Variants in DLGAP1 observed in about 807,000 individuals in gnomAD.
The protein encoded by DLGAP1 is DLG associated protein 1.
A neutral mutation model predicts 90.8 loss-of-function variants in DLGAP1; 11 were observed. The observed-to-expected ratio is 0.12, with a 90% CI of 0.08 to 0.20. The LOEUF (loss-of-function observed/expected upper bound fraction) is 0.20. DLGAP1 is among the 10% of genes least tolerant of loss of function. The pLI, the probability that DLGAP1 is intolerant of heterozygous loss-of-function variation, is 1.00. For synonymous variants in DLGAP1, 558 were observed against 540.7 expected (o/e 1.03, Z -0.44); for missense variants, 1,050 against 1,333.8 (o/e 0.79, Z 3.31).
chr18:4,377,304 G>T (rs1362135197), intron 1 of DLGAP1, among the ~76,000 whole-genome samples: 1 of 152,104 alleles, frequency 6.6e-6, no homozygotes, highest in African/African-American at 2.4e-5. Context: ...CACTCAAGAA[G>T]AGAATCAAGT....
intron 3 of DLGAP1, among the ~76,000 whole-genome samples, chr18:3,923,405 T>C (rs1340607304): frequency 1.3e-5 from 2 of 152,176 alleles, no homozygotes. Context: ...CTGTAAACTT[T>C]TTGTTTATAA....
intron 1 of DLGAP1, among the ~76,000 whole-genome samples, chr18:4,327,563 T>A (rs2080851285): frequency 6.6e-6 from 1 of 152,190 alleles, no homozygotes; most frequent in African/African-American, 2.4e-5. Context: ...TTATATAAAC[T>A]TATTCTTCTA....
intron 1 of DLGAP1, among the ~76,000 whole-genome samples, chr18:4,366,372 T>A (rs1425830600): frequency 6.6e-6 from 1 of 152,114 alleles, no homozygotes; most frequent in African/African-American, 2.4e-5. Context: ...ATTTAGATTC[T>A]TTCAATTTAA....
intron 1 of DLGAP1, among the ~76,000 whole-genome samples, chr18:4,410,220 TG>T (rs2082747378): frequency 6.6e-6 from 1 of 152,138 alleles, no homozygotes; most frequent in African/African-American, 2.4e-5. Context: ...GCTTGGGTGA[TG>T]GGTGCACCAG....
rs149194777 is a variant in DLGAP1, at chr18:3,695,237, C to T, written c.1591+33898G>A. The stretch of plus-strand genomic sequence containing the variant: ...GGGATTACAGGCATGAGCCACCAAG[C>T]CTGGCCTGCTTTTGGTGTTTTAGTC... On this transcript the variant is annotated intron_variant, in intron 7 of 12. Coordinates refer to ENST00000315677, the MANE Select transcript of DLGAP1 (RefSeq NM_004746.4). Among the ~76,000 whole-genome samples, 26 of 152,118 alleles carry T rather than the reference C, an allele frequency of 1.7e-4. 1 individual carries two copies. In the East Asian group the frequency reaches 3.9e-3, roughly 23 times the overall value.
chr18:3,729,360 C>T lies in DLGAP1; in HGVS notation c.1366G>A (p.Val456Met), dbSNP rs2062326097. 6.2e-7 allele frequency: 1 copy of T among 1,612,498 alleles called. No individual in the cohort carries two copies. Among genetic ancestry groups the T allele is most frequent in the Admixed American group, 1.7e-5 (1 of 59,978 alleles). Residue 456 changes from valine (V) to methionine (M), a missense_variant, in exon 7 of 13, where the codon GTG (valine) becomes ATG (methionine). Around this residue, in one of 2 missense-constraint regions of DLGAP1, gnomAD observed 565 missense variants for 879.7 expected, o/e 0.64. Transcript: ENST00000315677. This position sits in a 1 kb window ranked among gnomAD's most constrained non-coding sequence, Gnocchi z 6.2. ...CACACGGACTCGAACTGCCCGTTCA[C>T]TTCCATCTCGCTCACCTGCGGGCAG... ...STISQVSEME[V>M]NGQFESVCES...
At chr18:3,782,293 C>T (rs922161134) in intron 5 of DLGAP1, among the ~76,000 whole-genome samples, 8 of 152,088 alleles carry the variant, frequency 5.3e-5, no homozygotes, top group African/African-American at 1.7e-4. Flanking sequence ...CGTGCCACCA[C>T]GCCTGGCTAA....
intron 9 of DLGAP1, among the ~76,000 whole-genome samples, chr18:3,540,173 G>C (rs1043729183): frequency 6.6e-6 from 1 of 151,994 alleles, no homozygotes; most frequent in Non-Finnish European, 1.5e-5. Flanking sequence ...CCGAGATCAA[G>C]AATTCAAGCT....
At chr18:4,297,133 T>C (rs1598841394) in intron 1 of DLGAP1, among the ~76,000 whole-genome samples, 2 of 152,340 alleles carry the variant, frequency 1.3e-5, no homozygotes, top group Non-Finnish European at 2.9e-5. Context: ...AATTTTGTTT[T>C]TATCTTCAAC....
intron 9 of DLGAP1, among the ~76,000 whole-genome samples, chr18:3,551,722 C>CCCTTCCTTCCTTCCTT (rs1156785378): frequency 4.7e-3 from 59 of 12,536 alleles, no homozygotes; most frequent in South Asian, 8.3e-3. Flanking sequence ...CTCCCTCCCT[C>CCCTTCCTTCCTTCCTT]CCTTCCTTCC....
chr18:4,213,685 CA>C (rs2144907956), intron 1 of DLGAP1, among the ~76,000 whole-genome samples: 1 of 152,242 alleles, frequency 6.6e-6, no homozygotes, highest in African/African-American at 2.4e-5. Context: ...TATGCATTAA[CA>C]GTGTCAAATA....
chr18:3,740,243 T>C (rs188350406), intron 6 of DLGAP1, among the ~76,000 whole-genome samples: 144 of 152,330 alleles, frequency 9.5e-4, no homozygotes, highest in African/African-American at 3.3e-3. Flanking sequence ...AGAATAAATA[T>C]GTGCTCCAAA....
intron 3 of DLGAP1, among the ~76,000 whole-genome samples, chr18:3,897,920 G>A (rs1056793379): frequency 1.4e-4 from 21 of 149,430 alleles, no homozygotes; most frequent in African/African-American, 3.5e-4. Flanking sequence ...TCAGCCTCCC[G>A]AGTAGCTGGG....
intron 1 of DLGAP1, among the ~76,000 whole-genome samples, chr18:4,453,334 G>T (rs1160781796): frequency 2.7e-5 from 4 of 150,626 alleles, no homozygotes; most frequent in Admixed American, 6.6e-5. Flanking sequence ...TTATAGGCTT[G>T]AATTTCCTTT....
chr18:3,512,050 CA>C (rs2050575288), intron 10 of DLGAP1, among the ~76,000 whole-genome samples: 1 of 141,118 alleles, frequency 7.1e-6, no homozygotes, highest in African/African-American at 2.5e-5. Flanking sequence ...TGATCTCTTT[CA>C]CATTCTGGTC....
chr18:3,574,529 T>A lies in DLGAP1; in HGVS notation c.1966-6948A>T, dbSNP rs190333289. On this transcript the variant is annotated intron_variant, in intron 8 of 12. Transcript: ENST00000315677. ...TATCTGTTTAGCGTTAATTTCTAAT[T>A]TTAATGCATCATGGTTGGCAAACAT... Among the ~76,000 whole-genome samples, 8 of 152,310 alleles carry A rather than the reference T, an allele frequency of 5.3e-5. No homozygotes were observed. The East Asian group carries it at 1.5e-3, about 29-fold the overall frequency.
At chr18:3,570,123 T>C (rs1329611310) in intron 8 of DLGAP1, among the ~76,000 whole-genome samples, 1 of 151,900 alleles carries the variant, frequency 6.6e-6, no homozygotes, top group Non-Finnish European at 1.5e-5. Flanking sequence ...CCTCCCAGGT[T>C]TGTGTAAGTA....
At chr18:4,303,427 T>G (rs939286984) in intron 1 of DLGAP1, among the ~76,000 whole-genome samples, 1 of 152,172 alleles carries the variant, frequency 6.6e-6, no homozygotes, top group African/African-American at 2.4e-5. Flanking sequence ...GAGTGGAACC[T>G]GGCAAGAAGC....
rs147529155 is a variant in DLGAP1, at chr18:3,955,570, C to T, written c.-73+49546G>A. 3.0e-4 allele frequency among the ~76,000 whole-genome samples: 46 copies of T among 152,050 alleles called. 2 individuals are homozygous for T. In the East Asian group the frequency reaches 8.1e-3, roughly 27 times the overall value. On this transcript the variant is annotated intron_variant, in intron 3 of 12. Coordinates refer to ENST00000315677, the MANE Select transcript of DLGAP1 (RefSeq NM_004746.4). ...CTACTAAAAATACAAAAAAATCAGCCGGATGTGGTGGTGCATGCCTGTAAT... is the reference window on the plus strand; with the variant it reads ...CTACTAAAAATACAAAAAAATCAGCTGGATGTGGTGGTGCATGCCTGTAAT...
Sources: allele counts gnomAD v4.1 joint callset (sites outside exome capture counted in the v4.1 genomes callset), GRCh38; gene constraint gnomAD v4.1.1; regional missense constraint gnomAD v4.1.1; non-coding constraint Gnocchi (gnomAD v3.1); transcripts MANE v1.5; gene names NCBI Gene and HGNC (gene_info 2026-07-23, HGNC 2026-07-21).